The following GPC5 variants were observed in gnomAD, a reference collection of about 807,000 sequenced individuals.
GPC5 encodes glypican 5, also known as glypican-5.
In GPC5, 47 loss-of-function variants were observed where a neutral mutation model predicts 53.9. That is an observed-to-expected ratio of 0.87 (90% CI 0.69 to 1.11). The LOEUF (loss-of-function observed/expected upper bound fraction) is 1.11. Ranked by LOEUF, GPC5 falls within the 50% of genes most tolerant of loss-of-function variation. GPC5 has a pLI of 0.00. For missense variants in GPC5, 748 were observed against 713.1 expected (o/e 1.05, Z -0.56); for synonymous variants, 286 against 263.3 (o/e 1.09, Z -0.84).
intron 7 of GPC5, among the ~76,000 whole-genome samples, chr13:92,579,967 G>A (rs1883321807): frequency 6.6e-6 from 1 of 152,086 alleles, no homozygotes; most frequent in African/African-American, 2.4e-5. Flanking sequence ...GAGAAAGCAA[G>A]CATATATTCT....
chr13:92,737,258 T>C (rs1455738502), intron 7 of GPC5, among the ~76,000 whole-genome samples: 3 of 152,090 alleles, frequency 2.0e-5, no homozygotes, highest in African/African-American at 7.2e-5. Flanking sequence ...ATTATTGCCA[T>C]GATTCATGTG....
At chr13:92,410,598 T>G (rs1875998976) in intron 7 of GPC5, among the ~76,000 whole-genome samples, 1 of 152,226 alleles carries the variant, frequency 6.6e-6, no homozygotes, top group Admixed American at 6.5e-5. Flanking sequence ...TTCTAAGCTC[T>G]CTAGCTGTGA....
rs1295467995 is a variant in GPC5, at chr13:92,385,490, A to G, written c.1561+240501A>G. ...TATATACATATATACATATATACAC[A>G]TATATACATACATATACATATATAC... is the stretch of plus-strand genomic sequence containing the variant. On this transcript the variant is annotated intron_variant, in intron 7 of 7. Transcript: ENST00000377067. Among the ~76,000 whole-genome samples the G allele has an allele frequency of 2.8e-5, 4 of 142,032 alleles. No individual in the cohort carries two copies. The Admixed American group carries it at 2.9e-4, about 10-fold the overall frequency. The allele number at this position is 142,032 out of a possible 152,430, so 93.2% of individuals were successfully genotyped here.
intron 6 of GPC5, among the ~76,000 whole-genome samples, chr13:92,118,963 C>T (rs895434358): frequency 3.3e-5 from 5 of 152,164 alleles, no homozygotes; most frequent in African/African-American, 1.2e-4. Context: ...TAATTTAAAG[C>T]AGGTTGAAAA....
intron 7 of GPC5, chr13:92,448,063 A>T (rs535790346): frequency 6.6e-6 from 1 of 152,138 alleles, no homozygotes; most frequent in South Asian, 2.1e-4. Context: ...ATTGAAGAAA[A>T]TGCAGCTTTA....
At chr13:92,845,827 A>G (rs1246676615) in intron 7 of GPC5, among the ~76,000 whole-genome samples, 1 of 152,124 alleles carries the variant, frequency 6.6e-6, no homozygotes, top group Non-Finnish European at 1.5e-5. Flanking sequence ...TTTGATTTTA[A>G]TTTATAAGTT....
intron 7 of GPC5, among the ~76,000 whole-genome samples, chr13:92,739,017 A>G (rs1889016795): frequency 6.6e-6 from 1 of 152,104 alleles, no homozygotes; most frequent in African/African-American, 2.4e-5. Context: ...ATATTATATG[A>G]ATTAAGATTT....
chr13:91,578,977 CA>C (rs2032244707), intron 2 of GPC5, among the ~76,000 whole-genome samples: 1 of 151,242 alleles, frequency 6.6e-6, no homozygotes, highest in Non-Finnish European at 1.5e-5. Flanking sequence ...GCCCAGGAGG[CA>C]AAAGTTGCAG....
chr13:92,514,415 C>G (rs1217189337), intron 7 of GPC5, among the ~76,000 whole-genome samples: 1 of 152,084 alleles, frequency 6.6e-6, no homozygotes, highest in African/African-American at 2.4e-5. Context: ...GTTTCAGGCT[C>G]TGTGTTCAGC....
chr13:92,338,368 TAC>T (rs1169529663), intron 7 of GPC5, among the ~76,000 whole-genome samples: 2 of 152,034 alleles, frequency 1.3e-5, no homozygotes, highest in Non-Finnish European at 1.5e-5. Context: ...GACAGTTTCT[TAC>T]AGTTTCTTAC....
chr13:92,860,479 C>G (rs1186335138), intron 7 of GPC5, among the ~76,000 whole-genome samples: 1 of 152,108 alleles, frequency 6.6e-6, no homozygotes, highest in African/African-American at 2.4e-5. Context: ...ATGCACCCAC[C>G]AATCATATTT....
chr13:91,544,956 C>T (rs1471406609), intron 2 of GPC5, among the ~76,000 whole-genome samples: 1 of 152,170 alleles, frequency 6.6e-6, no homozygotes, highest in Non-Finnish European at 1.5e-5. Context: ...CAGTTCCTCA[C>T]TGTCTCAACA....
chr13:92,305,238 A>C (rs937614411), intron 7 of GPC5, among the ~76,000 whole-genome samples: 1 of 152,152 alleles, frequency 6.6e-6, no homozygotes, highest in African/African-American at 2.4e-5. Context: ...TCAAGTCTGA[A>C]AATGTGTTCA....
intron 2 of GPC5, among the ~76,000 whole-genome samples, chr13:91,615,106 C>G (rs79499088): frequency 0.03 from 4,540 of 152,246 alleles, 69 homozygotes; most frequent in Middle Eastern, 0.054. Context: ...TTACAAACAA[C>G]TGCACAATGA....
intron 5 of GPC5, among the ~76,000 whole-genome samples, chr13:91,800,163 A>C (rs752970101): frequency 6.6e-6 from 1 of 152,088 alleles, no homozygotes; most frequent in Non-Finnish European, 1.5e-5. Context: ...GAGTAATCTG[A>C]TTATTTTTAT....
intron 5 of GPC5, among the ~76,000 whole-genome samples, chr13:91,905,067 C>T (rs2039539088): frequency 1.3e-5 from 2 of 151,952 alleles, no homozygotes; most frequent in Non-Finnish European, 1.5e-5. Context: ...TTCATGGTCA[C>T]CAAAAGATGT....
chr13:92,144,756 A>G (rs2138983722), intron 6 of GPC5, 74 bp from the exon 7 acceptor site: 2 of 1,420,664 alleles, frequency 1.4e-6, no homozygotes, highest in Admixed American at 1.9e-5. Context: ...ATAATTCTAA[A>G]TAAGTTTTCT....
At chr13:91,523,374 T>C (rs1415497008) in intron 2 of GPC5, among the ~76,000 whole-genome samples, 3 of 152,190 alleles carry the variant, frequency 2.0e-5, no homozygotes, top group Non-Finnish European at 4.4e-5. Context: ...TAATTTTCTA[T>C]AGACACATGA....
chr13:91,616,210 A>T (rs1211875127), intron 2 of GPC5, among the ~76,000 whole-genome samples: 1 of 152,132 alleles, frequency 6.6e-6, no homozygotes, highest in Non-Finnish European at 1.5e-5. Context: ...TTGTTTCATT[A>T]TGGAGCTGGG....
Sources: allele counts gnomAD v4.1 joint callset (sites outside exome capture counted in the v4.1 genomes callset), GRCh38; gene constraint gnomAD v4.1.1; transcripts MANE v1.5; gene names NCBI Gene and HGNC (gene_info 2026-07-23, HGNC 2026-07-21).